The following PARD3B variants were observed in gnomAD, a reference collection of about 807,000 sequenced individuals.
The protein encoded by PARD3B is partitioning defective 3 homolog B.
A neutral mutation model predicts 130.2 loss-of-function variants in PARD3B; 103 were observed. That is an observed-to-expected ratio of 0.79 (90% CI 0.67 to 0.93). PARD3B has a LOEUF of 0.93. Among genes scored for constraint, PARD3B ranks in the 40% least tolerant of loss-of-function variants. The probability of loss-of-function intolerance (pLI) is 0.00; values close to 1 mark genes in which losing one functional copy is unlikely to be tolerated. For synonymous variants in PARD3B, 583 were observed against 553.2 expected (o/e 1.05, Z -0.76); for missense variants, 1,609 against 1,499.2 (o/e 1.07, Z -1.21).
intron 2 of PARD3B, among the ~76,000 whole-genome samples, chr2:204,873,044 A>G (rs914910416): frequency 2.0e-5 from 3 of 152,218 alleles, no homozygotes; most frequent in African/African-American, 7.2e-5. Context: ...GCTATTAGGT[A>G]AGTAAAAAGA....
At chr2:204,552,923 G>T (rs2030571312) in intron 1 of PARD3B, among the ~76,000 whole-genome samples, 1 of 152,038 alleles carries the variant, frequency 6.6e-6, no homozygotes, top group African/African-American at 2.4e-5. Context: ...AGTTTGAAAT[G>T]AGAGCTTTTC....
At chr2:205,284,594 T>C (rs913076395) in intron 16 of PARD3B, among the ~76,000 whole-genome samples, 2 of 152,116 alleles carry the variant, frequency 1.3e-5, no homozygotes, top group African/African-American at 4.8e-5. Flanking sequence ...ATGGCGGTAA[T>C]AATAATAATA....
At chr2:204,598,161 C>A (rs756739656) in intron 1 of PARD3B, among the ~76,000 whole-genome samples, 5 of 152,134 alleles carry the variant, frequency 3.3e-5, no homozygotes, top group Admixed American at 3.3e-4. Context: ...CAACTGTCAT[C>A]TCTACGTAGA....
chr2:205,047,530 C>T, intron 3 of PARD3B, 51 bp from the exon 4 acceptor site: 1 of 1,230,798 alleles, frequency 8.1e-7, no homozygotes, highest in Non-Finnish European at 1.2e-6. Context: ...GTCATGCACT[C>T]TCTTCACCCC....
At chr2:204,566,102 G>A (rs2031655978) in intron 1 of PARD3B, among the ~76,000 whole-genome samples, 1 of 152,212 alleles carries the variant, frequency 6.6e-6, no homozygotes, top group African/African-American at 2.4e-5. Flanking sequence ...TAGTGCCAGT[G>A]TTGAACATAG....
intron 2 of PARD3B, among the ~76,000 whole-genome samples, chr2:204,839,229 G>A (rs974998189): frequency 6.6e-6 from 1 of 152,120 alleles, no homozygotes; most frequent in Non-Finnish European, 1.5e-5. Flanking sequence ...GCATCAGGAG[G>A]CACAAAATCT....
At chr2:205,493,456 G>A (rs1256802724) in intron 20 of PARD3B, among the ~76,000 whole-genome samples, 1 of 151,922 alleles carries the variant, frequency 6.6e-6, no homozygotes, top group Non-Finnish European at 1.5e-5. Context: ...ACCCTTTTGT[G>A]AGTATACAAA....
chr2:205,053,769 A>G (rs1414091463), intron 4 of PARD3B, among the ~76,000 whole-genome samples: 2 of 152,182 alleles, frequency 1.3e-5, no homozygotes, highest in African/African-American at 4.8e-5. Flanking sequence ...ACTGATGTGT[A>G]TTAGAAGGAT....
intron 16 of PARD3B, among the ~76,000 whole-genome samples, chr2:205,267,283 T>G (rs1302740969): frequency 6.8e-6 from 1 of 146,632 alleles, no homozygotes; most frequent in Non-Finnish European, 1.5e-5. Flanking sequence ...GACTTCTTGC[T>G]ATGTACTGAT....
At chr2:204,950,114 C>G (rs924885633) in intron 2 of PARD3B, among the ~76,000 whole-genome samples, 1 of 152,140 alleles carries the variant, frequency 6.6e-6, no homozygotes. Flanking sequence ...GAGGTAGGCA[C>G]AGAATAATGT....
chr2:204,547,516 G>A (rs538044498), intron 1 of PARD3B, among the ~76,000 whole-genome samples: 17 of 152,170 alleles, frequency 1.1e-4, no homozygotes, highest in Non-Finnish European at 2.4e-4. Flanking sequence ...TGTTAAAATA[G>A]TGTTTGCTGT....
chr2:204,835,872 C>T (rs1401715369), intron 2 of PARD3B, among the ~76,000 whole-genome samples: 1 of 151,998 alleles, frequency 6.6e-6, no homozygotes, highest in Admixed American at 6.6e-5. Flanking sequence ...CATGTTTAGG[C>T]TAGGCTAGGC....
At chr2:205,053,696 A>G (rs1189561632) in intron 4 of PARD3B, among the ~76,000 whole-genome samples, 1 of 152,094 alleles carries the variant, frequency 6.6e-6, no homozygotes, top group Non-Finnish European at 1.5e-5. Context: ...GAGTGACCAA[A>G]TCATATTTTT....
At chr2:205,420,122 C>G (rs1398902135) in intron 19 of PARD3B, among the ~76,000 whole-genome samples, 5 of 152,172 alleles carry the variant, frequency 3.3e-5, no homozygotes, top group African/African-American at 7.2e-5. Flanking sequence ...AGTATCTACT[C>G]TCTGTCTAGG....
At chr2:205,312,612 A>G (rs975537360) in intron 18 of PARD3B, among the ~76,000 whole-genome samples, 1 of 152,198 alleles carries the variant, frequency 6.6e-6, no homozygotes, top group Non-Finnish European at 1.5e-5. Flanking sequence ...CCATGTTGGA[A>G]TTGAGTTAGG....
At chr2:205,367,323 G>C (rs983601274) in intron 18 of PARD3B, among the ~76,000 whole-genome samples, 1 of 152,208 alleles carries the variant, frequency 6.6e-6, no homozygotes, top group Non-Finnish European at 1.5e-5. Context: ...GCTATGAAGG[G>C]TGGTGATCAG....
intron 7 of PARD3B, among the ~76,000 whole-genome samples, chr2:205,120,969 G>A (rs111791691): frequency 1.1e-4 from 16 of 152,310 alleles, no homozygotes; most frequent in Admixed American, 6.5e-4. Flanking sequence ...GGTCATAAAA[G>A]TGAAAAACAC....
rs112216794 is a variant in PARD3B at position 204,621,074 on chromosome 2, G to A, written c.121-65107G>A. 6.2e-3 allele frequency among the ~76,000 whole-genome samples: 943 copies of A among 152,262 alleles called. 6 individuals are homozygous for A. Among genetic ancestry groups the A allele is most frequent in the Middle Eastern group, 0.02 (6 of 294 alleles). Reference sequence around the variant, plus strand: ...TATGTACCTCTGTGGGGTTTTTCTTGAGGGCTTGAAAGGAATTCTAACTTC... The same window carrying A: ...TATGTACCTCTGTGGGGTTTTTCTTAAGGGCTTGAAAGGAATTCTAACTTC... On this transcript the variant is annotated intron_variant, in intron 1 of 22. Coordinates refer to ENST00000406610, the MANE Select transcript of PARD3B (RefSeq NM_001302769.2).
chr2:205,598,700 C>T (rs867701861), intron 22 of PARD3B, among the ~76,000 whole-genome samples: 5 of 152,104 alleles, frequency 3.3e-5, no homozygotes, highest in Non-Finnish European at 7.4e-5. Flanking sequence ...TACCTAAGAT[C>T]GGCCACGTGC....
Sources: allele counts gnomAD v4.1 joint callset (sites outside exome capture counted in the v4.1 genomes callset), GRCh38; gene constraint gnomAD v4.1.1; transcripts MANE v1.5; gene names NCBI Gene and HGNC (gene_info 2026-07-23, HGNC 2026-07-21).